Variants in KCNMB2 observed in about 807,000 individuals in gnomAD.
KCNMB2 encodes the protein calcium-activated potassium channel subunit beta-2.
KCNMB2 carries 9 observed loss-of-function variants against 24.5 expected under a neutral mutation model. That is an observed-to-expected ratio of 0.37 (90% confidence interval 0.22 to 0.64). KCNMB2 has a LOEUF of 0.64. Ranked by LOEUF, KCNMB2 falls within the 30% of genes least tolerant of loss-of-function variation. The pLI is 0.63. For missense variants in KCNMB2, 226 were observed against 284.3 expected, an observed-to-expected ratio of 0.79 and a Z score of 1.47; for synonymous variants, 109 against 104.4, an observed-to-expected ratio of 1.04 and a Z score of -0.27.
Position 178,572,292 on chromosome 3 carries a change from C to A in KCNMB2, c.-68+35581C>A, listed in dbSNP as rs571110860. 1.4e-4 allele frequency among the ~76,000 whole-genome samples: 22 copies of A among 152,254 alleles called. No homozygotes were observed. The South Asian group carries it at 1.5e-3, about 10-fold the overall frequency. On this transcript the variant is annotated intron_variant, in intron 1 of 4. Coordinates refer to ENST00000452583, the MANE Select transcript of KCNMB2 (RefSeq NM_181361.3). ...GCTCAACAAAGCTATACAATTATAT[C>A]CATACATAGAATGCATGACTACCTA...
At chr3:178,649,495 C>A (rs1419100385) in intron 1 of KCNMB2, among the ~76,000 whole-genome samples, 4 of 111,584 alleles carry the variant, frequency 3.6e-5, no homozygotes, top group Non-Finnish European at 5.4e-5. Flanking sequence ...CCTGTCTAGT[C>A]CTGGGCTTTT....
chr3:178,732,825 G>A (rs2108368963), intron 1 of KCNMB2, among the ~76,000 whole-genome samples: 1 of 152,288 alleles, frequency 6.6e-6, no homozygotes, highest in East Asian at 1.9e-4. Flanking sequence ...AGGAGTCATG[G>A]TTTAGTACTC....
chr3:178,578,775 C>T (rs1039165956), intron 1 of KCNMB2, among the ~76,000 whole-genome samples: 3 of 151,624 alleles, frequency 2.0e-5, no homozygotes, highest in African/African-American at 7.3e-5. Context: ...TCAAAAAAGA[C>T]AAGAGCATTA....
At chr3:178,837,607 A>G (rs1351359129) in intron 4 of KCNMB2, among the ~76,000 whole-genome samples, 1 of 152,206 alleles carries the variant, frequency 6.6e-6, no homozygotes, top group Non-Finnish European at 1.5e-5. Context: ...AGAAAGAGCT[A>G]AAAACACCAG....
At chr3:178,781,927 C>T (rs1469721707) in intron 1 of KCNMB2, among the ~76,000 whole-genome samples, 1 of 134,502 alleles carries the variant, frequency 7.4e-6, no homozygotes, top group African/African-American at 2.8e-5. Context: ...TCTCCCAGTG[C>T]TATCCCTCCC....
At chr3:178,745,380 A>C (rs112844942) in intron 1 of KCNMB2, among the ~76,000 whole-genome samples, 6 of 152,258 alleles carry the variant, frequency 3.9e-5, no homozygotes, top group African/African-American at 1.4e-4. Context: ...TATTTACTAT[A>C]ATTGAGAACA....
intron 2 of KCNMB2, among the ~76,000 whole-genome samples, chr3:178,808,063 C>A: frequency 6.6e-6 from 1 of 151,878 alleles, no homozygotes; most frequent in East Asian, 1.9e-4. Flanking sequence ...AGAGGACATA[C>A]AAATCCATTG....
intron 1 of KCNMB2, among the ~76,000 whole-genome samples, chr3:178,561,222 A>T (rs969069721): frequency 6.6e-6 from 1 of 152,256 alleles, no homozygotes; most frequent in Non-Finnish European, 1.5e-5. Flanking sequence ...AGATGGCATT[A>T]TGAATAATAG....
At chr3:178,583,475 G>A (rs893102920) in intron 1 of KCNMB2, among the ~76,000 whole-genome samples, 3 of 152,156 alleles carry the variant, frequency 2.0e-5, no homozygotes, top group Non-Finnish European at 4.4e-5. Flanking sequence ...GTGATATTCT[G>A]TAATTGTAAA....
At chr3:178,589,228 C>T (rs1717572381) in intron 1 of KCNMB2, among the ~76,000 whole-genome samples, 1 of 152,216 alleles carries the variant, frequency 6.6e-6, no homozygotes, top group African/African-American at 2.4e-5. Flanking sequence ...AAACACAAGG[C>T]TTGCAGAGCC....
At chr3:178,692,210 GAT>G in intron 1 of KCNMB2, among the ~76,000 whole-genome samples, 1 of 152,292 alleles carries the variant, frequency 6.6e-6, no homozygotes, top group East Asian at 1.9e-4. Context: ...TTACTCTGAT[GAT>G]AGTTTCTTTT....
At chr3:178,687,125 G>A (rs1721498429) in intron 1 of KCNMB2, among the ~76,000 whole-genome samples, 1 of 152,028 alleles carries the variant, frequency 6.6e-6, no homozygotes, top group East Asian at 1.9e-4. Flanking sequence ...TTCCATCCGG[G>A]AATCCATATG....
intron 2 of KCNMB2, among the ~76,000 whole-genome samples, 194 bp from the exon 3 acceptor site, chr3:178,825,394 G>T (rs1714792724): frequency 6.6e-6 from 1 of 152,138 alleles, no homozygotes; most frequent in South Asian, 2.1e-4. Context: ...ACACATACAA[G>T]CGTGCATGTG....
intron 4 of KCNMB2, among the ~76,000 whole-genome samples, chr3:178,828,925 CTG>C (rs71181254): frequency 0.11 from 15,083 of 141,890 alleles, 834 homozygotes; most frequent in East Asian, 0.2. Flanking sequence ...CCCATGGTCA[CTG>C]TGTGTGTGTG....
At chr3:178,597,798 T>G (rs1056987001) in intron 1 of KCNMB2, among the ~76,000 whole-genome samples, 2 of 152,112 alleles carry the variant, frequency 1.3e-5, no homozygotes, top group African/African-American at 4.8e-5. Context: ...AGGCAAGATA[T>G]TTAGATGGTT....
chr3:178,603,835 A>T (rs184709437), intron 1 of KCNMB2, among the ~76,000 whole-genome samples: 193 of 152,214 alleles, frequency 1.3e-3, no homozygotes, highest in Admixed American at 3.0e-3. Context: ...GACATTTGAA[A>T]ATTTCATGTC....
At chr3:178,737,398 C>A (rs566995485) in intron 1 of KCNMB2, among the ~76,000 whole-genome samples, 72 of 152,126 alleles carry the variant, frequency 4.7e-4, no homozygotes, top group African/African-American at 1.6e-3. Context: ...TTGTTTTTTA[C>A]TTTTTAACAA....
chr3:178,817,980 T>C (rs1490265211), intron 2 of KCNMB2, among the ~76,000 whole-genome samples: 2 of 152,216 alleles, frequency 1.3e-5, no homozygotes, highest in African/African-American at 4.8e-5. Context: ...CAAACATAAA[T>C]ATTCAGCACA....
intron 1 of KCNMB2, among the ~76,000 whole-genome samples, chr3:178,656,775 A>T (rs1021145992): frequency 1.3e-5 from 2 of 152,182 alleles, no homozygotes; most frequent in African/African-American, 2.4e-5. Flanking sequence ...CTGTCTCAAA[A>T]AAATAAATAA....
Sources: allele counts gnomAD v4.1 joint callset (sites outside exome capture counted in the v4.1 genomes callset), GRCh38; gene constraint gnomAD v4.1.1; transcripts MANE v1.5; gene names NCBI Gene and HGNC (gene_info 2026-07-23, HGNC 2026-07-21).